The following VIM variants were observed in gnomAD, a reference collection of about 807,000 sequenced individuals.
VIM encodes epididymis secretory sperm binding protein.
Under a neutral mutation model 50.3 loss-of-function variants are expected in VIM, and 18 were observed. The observed-to-expected ratio is 0.36, with a 90% CI of 0.25 to 0.53. VIM has a LOEUF of 0.53. Among genes scored for constraint, VIM ranks in the 20% least tolerant of loss-of-function variants. The pLI, the probability that VIM is intolerant of heterozygous loss-of-function variation, is 0.91. For synonymous variants in VIM, 245 were observed against 248.5 expected (o/e 0.99, Z 0.13); for missense variants, 551 against 614.7 (o/e 0.90, Z 1.10).
At position 17,229,346 on chromosome 10, in the gene VIM, G is replaced by A; in HGVS notation, c.-77G>A. ...CGCGCTCCCACCACCCACACCCACC[G>A]CGCCCTCGTTCGCCTCTTCTCCGGG... On this transcript the variant is annotated 5_prime_UTR_variant, in exon 2 of 10. Coordinates refer to ENST00000544301, the MANE Select transcript of VIM (RefSeq NM_003380.5). 4 of 1,458,286 alleles carry A rather than the reference G, an allele frequency of 2.7e-6. No homozygotes were observed. Among genetic ancestry groups the A allele is most frequent in the Middle Eastern group, 2.4e-4 (1 of 4,202 alleles). The allele number at this position is 1,458,286 out of a possible 1,614,324, so 90.3% of individuals were successfully genotyped here.
chr10:17,235,616 C>T, intron 7 of VIM: 1 of 692,358 alleles, frequency 1.4e-6, no homozygotes. Flanking sequence ...CTGTCAAAGC[C>T]TCCACTCCTA....
At chr10:17,235,443 T>C in intron 7 of VIM, 54 bp downstream of exon 7, 1 of 1,560,964 alleles carries the variant, frequency 6.4e-7, no homozygotes, top group Admixed American at 1.7e-5. Context: ...TGTTAGGCCC[T>C]GTGCCACTGG....
chr10:17,230,796 C>G (rs1846777828), intron 3 of VIM, 86 bp downstream of exon 3: 33 of 1,519,478 alleles, frequency 2.2e-5, no homozygotes, highest in Middle Eastern at 3.4e-4. Flanking sequence ...TAACTCACGT[C>G]TAAAAAGTGC....
intron 5 of VIM, chr10:17,234,234 G>A (rs1177155999): frequency 8.0e-6 from 3 of 376,864 alleles, no homozygotes; most frequent in Non-Finnish European, 1.5e-5. Context: ...TCCTGCCTCA[G>A]CCCCCTAAGA....
chr10:17,234,622 G>A, intron 5 of VIM, 71 bp from the exon 6 acceptor site: 1 of 1,590,804 alleles, frequency 6.3e-7, no homozygotes, highest in Non-Finnish European at 8.6e-7. Flanking sequence ...TGAGAAATAT[G>A]ATTTTTTTTT....
intron 2 of VIM, 158 bp from the exon 3 acceptor site, chr10:17,230,492 C>T (rs1846768859): frequency 2.3e-6 from 2 of 878,400 alleles, no homozygotes; most frequent in East Asian, 4.8e-5. Flanking sequence ...CCCGCTGAAA[C>T]CTGCCGAGGG....
chr10:17,230,655 A>T lies in VIM; in HGVS notation c.569A>T (p.Gln190Leu). Reference sequence around the variant, plus strand: ...TTAATGCGCAACTGTTTCAGATTGCAGGAGGAGATGCTTCAGAGAGAGGAA... The same window carrying T: ...TTAATGCGCAACTGTTTCAGATTGCTGGAGGAGATGCTTCAGAGAGAGGAA... ...EDIMRLREKL[Q>L]EEMLQREEAE... Residue 190 changes from glutamine to leucine, a missense_variant, in exon 3 of 10, where the codon CAG becomes CTG. Gln to Leu is a moderately radical substitution (Grantham distance 113, BLOSUM62 -2). This residue lies in a region of VIM where 394 missense variants were observed against 437.5 expected (regional missense o/e 0.90). Transcript: ENST00000544301. 1 of 1,614,138 alleles carries T rather than the reference A, an allele frequency of 6.2e-7. No homozygotes were observed. Among genetic ancestry groups the T allele is most frequent in the Non-Finnish European group, 8.5e-7 (1 of 1,180,016 alleles).
chr10:17,234,170 C>T (rs1435092774), intron 5 of VIM: 2 of 480,782 alleles, frequency 4.2e-6, no homozygotes, highest in East Asian at 8.4e-5. Context: ...GGCTGGAGTG[C>T]AGTGGCAACA....
chr10:17,231,279 C>T (rs1846789106), intron 3 of VIM, among the ~76,000 whole-genome samples: 1 of 152,138 alleles, frequency 6.6e-6, no homozygotes, highest in Non-Finnish European at 1.5e-5. Flanking sequence ...AGTTTCTTTT[C>T]TTCTTTGCAA....
At position 17,230,729 on chromosome 10, in the gene VIM, C is replaced by T. The variant is rs770076660; in HGVS notation, c.624+19C>T. ...CAGACAGGTTTGTAGACTCTCTTCC[C>T]ACTCGCAGCCGCCTGACCCCACCCA... On this transcript the variant is annotated intron_variant, in intron 3 of 9. Coordinates refer to ENST00000544301, the MANE Select transcript of VIM (RefSeq NM_003380.5). The T allele has an allele frequency of 6.2e-7, 1 of 1,614,056 alleles. No homozygotes were observed. Among genetic ancestry groups the T allele is most frequent in the South Asian group, 1.1e-5 (1 of 91,076 alleles).
intron 2 of VIM, chr10:17,230,296 C>T (rs1846763276): frequency 1.7e-6 from 1 of 571,938 alleles, no homozygotes; most frequent in Non-Finnish European, 3.1e-6. Flanking sequence ...AGAGCCAGTC[C>T]TCCAAACTTT....
At chr10:17,234,147 G>T in intron 5 of VIM, 1 of 560,930 alleles carries the variant, frequency 1.8e-6, no homozygotes, top group South Asian at 2.2e-5. Flanking sequence ...ACAGAGTCTT[G>T]CTCTACTGCC....
At position 17,230,904 on chromosome 10, in the gene VIM, AT is replaced by A. The variant is rs397844940; in HGVS notation, c.624+210del. On this transcript the variant is annotated intron_variant, in intron 3 of 9. Coordinates refer to ENST00000544301, the MANE Select transcript of VIM (RefSeq NM_003380.5). ...AAATATTAATAAAACCCCTTGAGCG[AT>A]TTTTTTTTTTTTTTTGAGACGGAGT... The A allele has an allele frequency of 0.23, 100,170 of 441,294 alleles. 334 individuals carry two copies. The highest frequency in any genetic ancestry group is 0.28 in the South Asian group (11,284 of 40,320). The allele number at this position is 441,294 out of a possible 1,614,324, so 27.3% of individuals were successfully genotyped here.
rs141519986 is a variant in VIM at position 17,233,823 on chromosome 10, G to A, written c.774G>A (p.Val258=). The change falls in exon 5 of 10, where the codon GTG becomes GTA. Residue 258 remains valine (V), a synonymous_variant. Coordinates refer to ENST00000544301, the MANE Select transcript of VIM (RefSeq NM_003380.5). The stretch of plus-strand genomic sequence containing the variant: ...AGGAACAGCATGTCCAAATCGATGT[G>A]GATGTTTCCAAGCCTGACCTCACGG... ...QIQEQHVQID[V]DVSKPDLTAA... 5.9e-5 allele frequency: 96 copies of A among 1,614,172 alleles called. No homozygotes were observed. The African/African-American group carries it at 1.0e-3, about 17-fold the overall frequency.
Position 17,237,532 on chromosome 10 carries a change from T to C in VIM, c.*261T>C. On this transcript the variant is annotated 3_prime_UTR_variant, in exon 10 of 10. Transcript: ENST00000544301. ...ATTTTGAATACCATTAAAACTGCTT[T>C]TTTTTTTCCAGCAAGTATCCAACCA... The C allele has an allele frequency of 2.5e-6, 1 of 398,916 alleles. No individual in the cohort carries two copies. Among genetic ancestry groups the C allele is most frequent in the East Asian group, 4.0e-5 (1 of 24,704 alleles). 24.7% of individuals were successfully genotyped at this position (398,916 alleles called of 1,614,324 possible).
chr10:17,228,984 A>AC (rs1363242475), intron 1 of VIM: 143 of 224,352 alleles, frequency 6.4e-4, no homozygotes, highest in South Asian at 2.3e-3. Context: ...TCCCAGGCGG[A>AC]CCCCCCCCTC....
rs76494138 is a variant in VIM, at chr10:17,237,226, A to G, written c.1360-4A>G. ...TATTTATTTTGGTTTTTTTTTTTAA[A>G]CAGGTTATCAACGAAACTTCTCAGC... On this transcript the variant is annotated splice_region_variant and splice_polypyrimidine_tract_variant and intron_variant, in intron 9 of 9. Coordinates refer to ENST00000544301, the MANE Select transcript of VIM (RefSeq NM_003380.5). 2 of 1,601,860 alleles carry G rather than the reference A, an allele frequency of 1.2e-6. No individual in the cohort carries two copies. The highest frequency in any genetic ancestry group is 8.5e-7 in the Non-Finnish European group (1 of 1,172,468).
Position 17,233,634 on chromosome 10 carries a change from G to A in VIM, c.672G>A (p.Val224=). The A allele has an allele frequency of 6.2e-7, 1 of 1,614,182 alleles. No individual in the cohort carries two copies. The highest frequency in any genetic ancestry group is 1.3e-5 in the African/African-American group (1 of 75,036). Residue 224 remains valine, a synonymous_variant, in exon 4 of 10, where the codon GTG becomes GTA. Coordinates refer to ENST00000544301, the MANE Select transcript of VIM (RefSeq NM_003380.5). ...CACGTCTTGACCTTGAACGCAAAGT[G>A]GAATCTTTGCAAGAAGAGATTGCCT... The part of the protein sequence containing the change: ...SLARLDLERK[V]ESLQEEIAFL...
intron 2 of VIM, 93 bp from the exon 3 acceptor site, chr10:17,230,557 G>T (rs1846770439): frequency 1.4e-6 from 2 of 1,406,468 alleles, no homozygotes; most frequent in Non-Finnish European, 1.0e-6. Context: ...CAGCTGCTCT[G>T]GAGGCGCAGA....
Sources: gnomAD v4.1 joint callset for allele counts (sites outside exome capture counted in the v4.1 genomes callset) on GRCh38, gnomAD v4.1.1 for gene constraint, gnomAD v4.1.1 regional missense constraint, MANE v1.5 for transcripts, NCBI Gene and HGNC (gene_info 2026-07-23, HGNC 2026-07-21) for gene names.